Variants in RER1 observed in about 807,000 individuals in gnomAD.
RER1 encodes protein RER1.
In RER1, 6 loss-of-function variants were observed where a neutral mutation model predicts 28.3. The ratio of observed to expected loss-of-function variants is 0.21; its 90% confidence interval spans 0.12 to 0.42. The LOEUF is 0.42. RER1 is among the 10% of genes least tolerant of loss of function. The pLI is 1.00. For synonymous variants in RER1, 110 were observed against 95.9 expected, an observed-to-expected ratio of 1.15 and a Z score of -0.86; for missense variants, 159 against 252.9, an observed-to-expected ratio of 0.63 and a Z score of 2.52.
At position 2,402,352 on chromosome 1, in the gene RER1, A is replaced by C. The variant is rs1642877365; in HGVS notation, c.501+10A>C. 1 of 1,613,826 alleles carries C rather than the reference A, an allele frequency of 6.2e-7. No homozygotes were observed. Among genetic ancestry groups the C allele is most frequent in the Non-Finnish European group, 8.5e-7 (1 of 1,179,886 alleles). On this transcript the variant is annotated intron_variant, in intron 6 of 6. Coordinates refer to ENST00000605895, the MANE Select transcript of RER1 (RefSeq NM_007033.5). ...GAAGAGGCAAATCAAGGTAAAGCAG[A>C]GGCGCTGCCGCCACGCCGGCCGCAA...
At position 2,403,115 on chromosome 1, in the gene RER1, C is replaced by T. The variant is rs550475002; in HGVS notation, c.582C>T (p.Phe194=). ...GCAAGGAGGATGCCGGCAAGGCCTT[C>T]GCCAGCTAGAAGCGGGACTGAGGCT... ...YRGKEDAGKA[F]AS Residue 194 remains phenylalanine, a synonymous_variant, in exon 7 of 7, where the codon TTC becomes TTT. Coordinates refer to ENST00000605895, the MANE Select transcript of RER1 (RefSeq NM_007033.5). 3.5e-5 allele frequency: 57 copies of T among 1,613,846 alleles called. No individual in the cohort carries two copies. The highest frequency in any genetic ancestry group is 1.1e-4 in the South Asian group (10 of 91,078).
intron 5 of RER1, among the ~76,000 whole-genome samples, chr1:2,401,644 A>G (rs897407750): frequency 6.6e-6 from 1 of 151,988 alleles, no homozygotes; most frequent in African/African-American, 2.4e-5. Context: ...CTGTTAGATC[A>G]GTAAACTGAA....
intron 3 of RER1, among the ~76,000 whole-genome samples, chr1:2,398,926 T>C (rs1642806740): frequency 6.6e-6 from 1 of 152,294 alleles, no homozygotes; most frequent in Non-Finnish European, 1.5e-5. Context: ...TTTTTGGCAA[T>C]GTGAATTGTC....
At chr1:2,397,757 T>TA (rs1642789514) in intron 3 of RER1, among the ~76,000 whole-genome samples, 1 of 152,222 alleles carries the variant, frequency 6.6e-6, no homozygotes, top group South Asian at 2.1e-4. Flanking sequence ...CGGGCACCCC[T>TA]AGGTCAGGTG....
intron 5 of RER1, chr1:2,401,871 A>G (rs1197368779): frequency 5.8e-6 from 4 of 687,520 alleles, no homozygotes; most frequent in African/African-American, 3.6e-5. Flanking sequence ...TGGATGGTCC[A>G]CAAGACACAG....
rs915354894 is a variant in RER1, at chr1:2,405,428, T to C, written c.*2304T>C. The C allele has an allele frequency of 3.1e-5, 14 of 457,032 alleles. No individual in the cohort carries two copies. The highest frequency in any genetic ancestry group is 5.7e-5 in the Non-Finnish European group (14 of 245,600). 28.3% of individuals were successfully genotyped at this position (457,032 alleles called of 1,614,324 possible). A position where few individuals can be genotyped will look rare whatever the true frequency, so the allele number is the denominator to read the frequency against. The stretch of plus-strand genomic sequence containing the variant: ...CACAATATAAACGAATAAAGTGTCT[T>C]CTGGCCTACTTCTGAATTACTTCTC... On this transcript the variant is annotated 3_prime_UTR_variant, in exon 7 of 7. Coordinates refer to ENST00000605895, the MANE Select transcript of RER1 (RefSeq NM_007033.5).
chr1:2,395,726 C>T, intron 1 of RER1, 58 bp from the exon 2 acceptor site: 1 of 1,230,942 alleles, frequency 8.1e-7, no homozygotes, highest in South Asian at 1.2e-5. Flanking sequence ...AAAATAGGGC[C>T]AGGATTTCAC....
intron 1 of RER1, 41 bp from the exon 2 acceptor site, chr1:2,395,743 G>C: frequency 7.0e-7 from 1 of 1,419,868 alleles, no homozygotes; most frequent in Non-Finnish European, 1.0e-6. Flanking sequence ...TCACACCCGT[G>C]AATGCTTTTT....
chr1:2,402,864 G>A (rs1642891402), intron 6 of RER1, among the ~76,000 whole-genome samples, 171 bp from the exon 7 acceptor site: 1 of 152,226 alleles, frequency 6.6e-6, no homozygotes, highest in African/African-American at 2.4e-5. Flanking sequence ...GGCCTCGTGG[G>A]CTGTGGAAGG....
intron 3 of RER1, among the ~76,000 whole-genome samples, chr1:2,397,684 C>T (rs1035263851): frequency 3.9e-5 from 6 of 152,174 alleles, no homozygotes; most frequent in African/African-American, 7.2e-5. Context: ...CAGGTTGAGA[C>T]GCCGAGTCAA....
At chr1:2,396,130 C>T (rs1418514309) in intron 2 of RER1, 7 of 465,360 alleles carry the variant, frequency 1.5e-5, no homozygotes, top group Non-Finnish European at 2.8e-5. Flanking sequence ...AAATATAAAA[C>T]CCAGTCTCAG....
Position 2,403,512 on chromosome 1 carries a change from G to A in RER1, c.*388G>A, listed in dbSNP as rs1026833012. The stretch of plus-strand genomic sequence containing the variant: ...GCCGCCTTCCCCAGCAGCCGCAGGT[G>A]GTGCCAGCCACTCCACAGAGCCCGA... On this transcript the variant is annotated 3_prime_UTR_variant, in exon 7 of 7. Coordinates refer to ENST00000605895, the MANE Select transcript of RER1 (RefSeq NM_007033.5). 1 of 286,236 alleles carries A rather than the reference G, an allele frequency of 3.5e-6. No individual in the cohort carries two copies. Among genetic ancestry groups the A allele is most frequent in the Non-Finnish European group, 6.8e-6 (1 of 146,480 alleles). The allele number at this position is 286,236 out of a possible 1,614,324, so 17.7% of individuals were successfully genotyped here.
At chr1:2,402,564 G>A (rs1352226151) in intron 6 of RER1, among the ~76,000 whole-genome samples, 4 of 152,206 alleles carry the variant, frequency 2.6e-5, no homozygotes. Flanking sequence ...CGGGCTCTTG[G>A]TGGAAACTTT....
chr1:2,397,453 AGCCCAGCCTGGCCCT>A (rs1325369235), intron 3 of RER1, among the ~76,000 whole-genome samples: 1 of 152,070 alleles, frequency 6.6e-6, no homozygotes, highest in African/African-American at 2.4e-5. Flanking sequence ...GGCCGTCCTG[AGCCCAGCCTGGCCCT>A]GCCCTGGGCA....
At chr1:2,396,830 A>G (rs1036082432) in intron 2 of RER1, among the ~76,000 whole-genome samples, 1 of 152,270 alleles carries the variant, frequency 6.6e-6, no homozygotes. Context: ...GGTCTTCCCC[A>G]TAGTGATCCC....
At chr1:2,396,165 G>T (rs571309342) in intron 2 of RER1, 7 of 373,864 alleles carry the variant, frequency 1.9e-5, no homozygotes, top group African/African-American at 1.2e-4. Flanking sequence ...AGATGCGGCC[G>T]TGGCTGCCGT....
chr1:2,401,218 C>T lies in RER1; in HGVS notation c.365+283C>T, dbSNP rs367887959. Among the ~76,000 whole-genome samples the T allele has an allele frequency of 3.6e-3, 453 of 127,070 alleles. 1 individual carries two copies. Among genetic ancestry groups the T allele is most frequent in the African/African-American group, 0.012 (433 of 35,750 alleles). 83.4% of individuals were successfully genotyped at this position (127,070 alleles called of 152,430 possible). A position where few individuals can be genotyped will look rare whatever the true frequency, so the allele number is the denominator to read the frequency against. On this transcript the variant is annotated intron_variant, in intron 5 of 6. Transcript: ENST00000605895. ...AGGCCCTCTGTCCTCCCTCCTCCTC[C>T]CTCCTCCTCCCTTCCTCCCTCCTTC... is the stretch of plus-strand genomic sequence containing the variant.
chr1:2,392,950 C>T (rs868469756), intron 1 of RER1, among the ~76,000 whole-genome samples: 5 of 32,998 alleles, frequency 1.5e-4, no homozygotes, highest in Non-Finnish European at 3.1e-4. Flanking sequence ...GCTTGGTGCA[C>T]GGCAGCCGGG....
intron 1 of RER1, chr1:2,393,907 T>A (rs1019336619): frequency 3.3e-5 from 5 of 152,112 alleles, no homozygotes; most frequent in Admixed American, 1.3e-4. Flanking sequence ...AGTTGGAGAG[T>A]GAGAAGTTCT....
Sources: allele counts gnomAD v4.1 joint callset (sites outside exome capture counted in the v4.1 genomes callset), GRCh38; gene constraint gnomAD v4.1.1; transcripts MANE v1.5; gene names NCBI Gene and HGNC (gene_info 2026-07-23, HGNC 2026-07-21).